The following ZSWIM4 variants were observed in gnomAD, a reference collection of about 807,000 sequenced individuals.
ZSWIM4 encodes zinc finger SWIM domain-containing protein 4.
A neutral mutation model predicts 102.5 loss-of-function variants in ZSWIM4; 62 were observed. The observed-to-expected ratio is 0.60, with a 90% CI of 0.49 to 0.75. ZSWIM4 has a LOEUF of 0.75. ZSWIM4 is among the 30% of genes least tolerant of loss of function. The probability of loss-of-function intolerance (pLI) is 0.00; values close to 1 mark genes in which losing one functional copy is unlikely to be tolerated. For synonymous variants in ZSWIM4, 652 were observed against 674.5 expected (o/e 0.97, Z 0.52); for missense variants, 1,280 against 1,529.6 (o/e 0.84, Z 2.72).
intron 1 of ZSWIM4, among the ~76,000 whole-genome samples, chr19:13,798,248 C>G (rs1974662778): frequency 6.6e-6 from 1 of 152,190 alleles, no homozygotes. Flanking sequence ...AAGCAATCCT[C>G]CTGCCTCAGC....
Position 13,831,025 on chromosome 19 carries a change from T to A in ZSWIM4, c.3296T>A (p.Leu1099His). The change falls in exon 14 of 14, where the codon CTT becomes CAT. Residue 1099 changes from leucine (L) to histidine (H), a missense_variant. Physicochemically the swap from Leu to His is moderately conservative, Grantham distance 99 (BLOSUM62 -3). Transcript: ENST00000590508. ...QTYKGKKKLMLLVRERFG is the reference protein window; with the variant it reads ...QTYKGKKKLMHLVRERFG ...TACAAGGGCAAGAAGAAACTCATGC[T>A]TTTGGTGCGGGAGCGTTTTGGTTGA... 1 of 1,601,388 alleles carries A rather than the reference T, an allele frequency of 6.2e-7. No homozygotes were observed. Among genetic ancestry groups the A allele is most frequent in the South Asian group, 1.1e-5 (1 of 90,104 alleles).
intron 5 of ZSWIM4, among the ~76,000 whole-genome samples, chr19:13,811,548 C>T (rs1975092034): frequency 6.6e-6 from 1 of 151,876 alleles, no homozygotes; most frequent in East Asian, 1.9e-4. Context: ...CAAAAAAAGG[C>T]GCTTGGCACA....
In ZSWIM4 at chr19:13,814,861, A is replaced by T; in HGVS notation, c.1527A>T (p.Lys509Asn). Residue 509 changes from lysine (K) to asparagine (N), a missense_variant, in exon 7 of 14, where the codon AAA (lysine) becomes AAT (asparagine). Transcript: ENST00000590508. The part of the protein sequence containing the change: ...RHQLESYKQQ[K>N]KELLQKGSTC... ...AGCTAGAGAGCTACAAGCAGCAGAA[A>T]AAAGGTCAGCCTCAGCCGGGCACGG... is the stretch of plus-strand genomic sequence containing the variant. The T allele has an allele frequency of 8.0e-7, 1 of 1,246,684 alleles. No individual in the cohort carries two copies. Among genetic ancestry groups the T allele is most frequent in the South Asian group, 1.3e-5 (1 of 78,400 alleles). 77.2% of individuals were successfully genotyped at this position (1,246,684 alleles called of 1,614,324 possible). A position where few individuals can be genotyped will look rare whatever the true frequency, so the allele number is the denominator to read the frequency against.
At position 13,830,374 on chromosome 19, in the gene ZSWIM4, A is replaced by G; in HGVS notation, c.2645A>G (p.Lys882Arg). The change falls in exon 14 of 14, where the codon AAG becomes AGG. Residue 882 changes from lysine to arginine, a missense_variant. Transcript: ENST00000590508. Reference sequence around the variant, plus strand: ...ACCCTGGCCTTGCAGTGCGCGATGAAGGACCCTCAGAACTGCGCCTTGCCT... The same window carrying G: ...ACCCTGGCCTTGCAGTGCGCGATGAGGGACCCTCAGAACTGCGCCTTGCCT... Reference protein sequence around the residue: ...ARTLALQCAMKDPQNCALPAL... With the variant: ...ARTLALQCAMRDPQNCALPAL... The G allele has an allele frequency of 6.2e-7, 1 of 1,612,996 alleles. No homozygotes were observed.
At chr19:13,805,604 C>T (rs1267424051) in intron 3 of ZSWIM4, among the ~76,000 whole-genome samples, 3 of 151,594 alleles carry the variant, frequency 2.0e-5, no homozygotes, top group African/African-American at 4.9e-5. Flanking sequence ...GGTTGCCTAG[C>T]TAGGATGGGG....
intron 7 of ZSWIM4, among the ~76,000 whole-genome samples, chr19:13,816,607 G>C (rs1975294865): frequency 6.6e-6 from 1 of 152,048 alleles, no homozygotes; most frequent in African/African-American, 2.4e-5. Context: ...TCTAGTCTGG[G>C]CAACAAGAGC....
In ZSWIM4 at chr19:13,812,997, G is replaced by A. The variant is rs1350271794; in HGVS notation, c.1013G>A (p.Gly338Glu). The A allele has an allele frequency of 2.9e-5, 47 of 1,604,320 alleles. No individual in the cohort carries two copies. Among genetic ancestry groups the A allele is most frequent in the Non-Finnish European group, 3.8e-5 (45 of 1,173,346 alleles). The change falls in exon 6 of 14, where the codon GGG (glycine) becomes GAG (glutamate). Residue 338 changes from glycine to glutamate, a missense_variant and splice_region_variant. Transcript: ENST00000590508. ...TTGAGCCTGCCCCGTGCCTCCTCAG[G>A]GGCCCTGTGGGTTTGCGTCGTCCTG... ...DKCRQLWDEL[G>E]ALWVCVVLSP...
chr19:13,805,968 C>A (rs1294969451), intron 3 of ZSWIM4, among the ~76,000 whole-genome samples: 1 of 145,496 alleles, frequency 6.9e-6, no homozygotes, highest in Non-Finnish European at 1.5e-5. Context: ...GAGACCCTGA[C>A]TCCAAAAAAA....
rs768166838 is a variant in ZSWIM4, at chr19:13,817,779, C to T, written c.1727C>T (p.Pro576Leu). 6.3e-7 allele frequency: 1 copy of T among 1,599,872 alleles called. No individual in the cohort carries two copies. Among genetic ancestry groups the T allele is most frequent in the South Asian group, 1.1e-5 (1 of 88,302 alleles). Residue 576 changes from proline to leucine, a missense_variant, in exon 9 of 14, where the codon CCT becomes CTT. Physicochemically the swap from Pro to Leu is moderately conservative, Grantham distance 98. Coordinates refer to ENST00000590508, the MANE Select transcript of ZSWIM4 (RefSeq NM_001367834.3). ...AYQHVPVPGS[P>L]GESYLVLALE... is the part of the protein sequence containing the mutation. ...CAGCACGTGCCTGTGCCCGGGAGCC[C>T]TGGGGAGTCCTACTTGGTGCTGGCG...
At chr19:13,824,229 A>G (rs544502163) in intron 11 of ZSWIM4, among the ~76,000 whole-genome samples, 1 of 152,256 alleles carries the variant, frequency 6.6e-6, no homozygotes, top group South Asian at 2.1e-4. Context: ...TAAGGTCACT[A>G]ACCCTCTCAT....
At chr19:13,816,577 C>A (rs1422413505) in intron 7 of ZSWIM4, among the ~76,000 whole-genome samples, 1 of 152,066 alleles carries the variant, frequency 6.6e-6, no homozygotes, top group African/African-American at 2.4e-5. Flanking sequence ...TTGTGGTGAG[C>A]TGAGATCACG....
At position 13,813,023 on chromosome 19, in the gene ZSWIM4, A is replaced by G. The variant is rs1480635851; in HGVS notation, c.1039A>G (p.Ser347Gly). Reference sequence around the variant, plus strand: ...GGCCCTGTGGGTTTGCGTCGTCCTGAGCCCCCACTGCAAACCAGAGGAAAG... The same window carrying G: ...GGCCCTGTGGGTTTGCGTCGTCCTGGGCCCCCACTGCAAACCAGAGGAAAG... The part of the protein sequence containing the change: ...LGALWVCVVL[S>G]PHCKPEERAG... The change falls in exon 6 of 14, where the codon AGC becomes GGC. Residue 347 changes from serine to glycine, a missense_variant. By Grantham distance (56) the Ser-to-Gly change is moderately conservative. Coordinates refer to ENST00000590508, the MANE Select transcript of ZSWIM4 (RefSeq NM_001367834.3). 1.2e-6 allele frequency: 2 copies of G among 1,613,248 alleles called. No homozygotes were observed. Among genetic ancestry groups the G allele is most frequent in the Non-Finnish European group, 1.7e-6 (2 of 1,179,552 alleles).
chr19:13,827,603 A>AAAAAG (rs1166861221), intron 12 of ZSWIM4, among the ~76,000 whole-genome samples: 9 of 143,762 alleles, frequency 6.3e-5, no homozygotes, highest in South Asian at 2.1e-4. Flanking sequence ...AAAAAAAAAA[A>AAAAAG]AAAAGAAAAG....
rs557453798 is a variant in ZSWIM4 at position 13,827,234 on chromosome 19, G to A, written c.2380-1411G>A. ...GCCAGGAGTTTGAGGCTGCAGCAGT[G>A]AGCTATGATCGCGCCACTGTACTCC... On this transcript the variant is annotated intron_variant, in intron 12 of 13. Coordinates refer to ENST00000590508, the MANE Select transcript of ZSWIM4 (RefSeq NM_001367834.3). Among the ~76,000 whole-genome samples the A allele has an allele frequency of 7.9e-5, 12 of 151,474 alleles. 1 individual carries two copies. The South Asian group carries it at 2.3e-3, about 29-fold the overall frequency.
At chr19:13,811,197 G>A (rs1599594351) in intron 5 of ZSWIM4, among the ~76,000 whole-genome samples, 1 of 152,244 alleles carries the variant, frequency 6.6e-6, no homozygotes, top group South Asian at 2.1e-4. Context: ...ACAGGCATGA[G>A]CCACCGCACC....
chr19:13,803,576 TCAA>T, intron 2 of ZSWIM4, among the ~76,000 whole-genome samples: 1 of 48,612 alleles, frequency 2.1e-5, no homozygotes, highest in African/African-American at 4.8e-4. Context: ...GGTCAGGAGT[TCAA>T]GACTACACTA....
In ZSWIM4 at chr19:13,830,849, C is replaced by A. The variant is rs1478923872; in HGVS notation, c.3120C>A (p.Tyr1040Ter). Residue 1040 changes from tyrosine to a stop codon, truncating the protein, a stop_gained, in exon 14 of 14, where the codon TAC (tyrosine) becomes TAA (stop). Transcript: ENST00000590508. LOFTEE classifies it high-confidence loss of function. ...CQLLDAAVTA[Y>*]ITTSHSRLTH... ...TCCTGGACGCGGCAGTCACCGCCTACATCACCACCAGCCACTCGCGCCTCA... is the reference window on the plus strand; with the variant it reads ...TCCTGGACGCGGCAGTCACCGCCTAAATCACCACCAGCCACTCGCGCCTCA... 1 of 1,613,054 alleles carries A rather than the reference C, an allele frequency of 6.2e-7. No individual in the cohort carries two copies.
intron 3 of ZSWIM4, 22 bp from the exon 4 acceptor site, chr19:13,808,814 T>G: frequency 6.3e-7 from 1 of 1,575,734 alleles, no homozygotes; most frequent in Non-Finnish European, 8.6e-7. Context: ...AGCCTCAGCT[T>G]CCTTTCCCTC....
chr19:13,805,977 A>G (rs1246993564), intron 3 of ZSWIM4, among the ~76,000 whole-genome samples: 5 of 151,256 alleles, frequency 3.3e-5, no homozygotes, highest in Non-Finnish European at 7.4e-5. Context: ...ACTCCAAAAA[A>G]AAAAAAAGCG....
Sources: gnomAD v4.1 joint callset for allele counts (sites outside exome capture counted in the v4.1 genomes callset) on GRCh38, gnomAD v4.1.1 for gene constraint, MANE v1.5 for transcripts, NCBI Gene and HGNC (gene_info 2026-07-23, HGNC 2026-07-21) for gene names.